PPARGC1B: variants seen among roughly 807,000 people sequenced by gnomAD.
The protein encoded by PPARGC1B is peroxisome proliferator-activated receptor gamma coactivator 1-beta.
In PPARGC1B, 34 loss-of-function variants were observed where a neutral mutation model predicts 101.6. That is an observed-to-expected ratio of 0.33 (90% confidence interval 0.25 to 0.45). The LOEUF (loss-of-function observed/expected upper bound fraction) is 0.45, where lower values mean the gene tolerates loss of function less well. Among genes scored for constraint, PPARGC1B ranks in the 20% least tolerant of loss-of-function variants. The pLI, the probability that PPARGC1B is intolerant of heterozygous loss-of-function variation, is 1.00. For missense variants in PPARGC1B, 1,234 were observed against 1,317.6 expected (o/e 0.94, Z 0.98); for synonymous variants, 548 against 539.3 (o/e 1.02, Z -0.22).
chr5:149,851,576 A>G lies in PPARGC1B; in HGVS notation c.*4018A>G, dbSNP rs968697754. On this transcript the variant is annotated 3_prime_UTR_variant, in exon 12 of 12. Transcript: ENST00000309241. Reference sequence around the variant, plus strand: ...GGAAAGAAATTGGATGTACAACAGCAAAGAAAGTGAATGTCATGGTTTCCC... The same window carrying G: ...GGAAAGAAATTGGATGTACAACAGCGAAGAAAGTGAATGTCATGGTTTCCC... The G allele has an allele frequency of 2.0e-5, 3 of 152,256 alleles. No individual in the cohort carries two copies. Among genetic ancestry groups the G allele is most frequent in the African/African-American group, 7.2e-5 (3 of 41,472 alleles). 9.4% of individuals were successfully genotyped at this position (152,256 alleles called of 1,614,324 possible).
intron 1 of PPARGC1B, among the ~76,000 whole-genome samples, chr5:149,809,171 CTA>C (rs1199034108): frequency 1.3e-4 from 9 of 69,498 alleles, no homozygotes; most frequent in African/African-American, 4.5e-4. Context: ...AGATCCATCT[CTA>C]CCATAGATAG....
rs1581116058 is a variant in PPARGC1B, at chr5:149,836,276, C to T, written c.1821C>T (p.Pro607=). 1.3e-6 allele frequency: 2 copies of T among 1,573,230 alleles called. No homozygotes were observed. Among genetic ancestry groups the T allele is most frequent in the Middle Eastern group, 1.7e-4 (1 of 5,824 alleles). Residue 607 remains proline (P), a synonymous_variant, in exon 8 of 12, where the codon CCC becomes CCT. Transcript: ENST00000309241. Reference sequence around the variant, plus strand: ...TTCCTCGGGCAGGACTCACCCCACCCACCACACCACCGTACAAGCCCACAG... The same window carrying T: ...TTCCTCGGGCAGGACTCACCCCACCTACCACACCACCGTACAAGCCCACAG... ...ELCGTAGLTP[P]TTPPYKPTEE...
At chr5:149,745,510 A>G (rs547301563) in intron 1 of PPARGC1B, among the ~76,000 whole-genome samples, 1 of 152,274 alleles carries the variant, frequency 6.6e-6, no homozygotes, top group East Asian at 1.9e-4. Context: ...GGTACTATTC[A>G]TAGAGTGTCT....
At chr5:149,793,547 G>A (rs1216650762) in intron 1 of PPARGC1B, among the ~76,000 whole-genome samples, 3 of 152,138 alleles carry the variant, frequency 2.0e-5, no homozygotes, top group African/African-American at 7.2e-5. Flanking sequence ...CTGGAATCCA[G>A]TGCAGAACCC....
chr5:149,752,235 G>C (rs1755334563), intron 1 of PPARGC1B, among the ~76,000 whole-genome samples: 1 of 152,204 alleles, frequency 6.6e-6, no homozygotes, highest in Non-Finnish European at 1.5e-5. Flanking sequence ...TACAGAACAA[G>C]ATAAATACCC....
intron 1 of PPARGC1B, among the ~76,000 whole-genome samples, chr5:149,808,134 A>G (rs1219286638): frequency 2.6e-5 from 4 of 152,140 alleles, no homozygotes; most frequent in Admixed American, 6.5e-5. Context: ...GGCACCACTG[A>G]CCTCACCTTT....
intron 9 of PPARGC1B, among the ~76,000 whole-genome samples, chr5:149,841,173 A>C (rs1226448922): frequency 6.6e-6 from 1 of 152,218 alleles, no homozygotes; most frequent in Non-Finnish European, 1.5e-5. Context: ...TCTAAAGTAA[A>C]CAGGACTGTT....
chr5:149,836,997 C>G lies in PPARGC1B; in HGVS notation c.2542C>G (p.Leu848Val). The G allele has an allele frequency of 6.2e-7, 1 of 1,614,052 alleles. No homozygotes were observed. Among genetic ancestry groups the G allele is most frequent in the South Asian group, 1.1e-5 (1 of 91,080 alleles). ...CCCACCAAGCAAGGCCAACCGGCAG[C>G]TCTGTTCCCGCAGCCGCTCAAGCTC... ...QSPPSKANRQ[L>V]CSRSRSSSGS... is the part of the protein sequence containing the mutation. Residue 848 changes from leucine to valine, a missense_variant, in exon 8 of 12, where the codon CTC becomes GTC. Physicochemically the swap from Leu to Val is conservative, Grantham distance 32. Around this residue, in one of 3 missense-constraint regions of PPARGC1B, gnomAD observed 497 missense variants for 529.5 expected, o/e 0.94. Transcript: ENST00000309241.
intron 2 of PPARGC1B, among the ~76,000 whole-genome samples, chr5:149,825,664 G>A (rs1323302407): frequency 1.3e-5 from 2 of 151,958 alleles, no homozygotes. Context: ...TGTTAGTTTC[G>A]TCCCATCCTC....
chr5:149,818,353 T>C (rs961041432), intron 1 of PPARGC1B, among the ~76,000 whole-genome samples: 1 of 152,196 alleles, frequency 6.6e-6, no homozygotes, highest in African/African-American at 2.4e-5. Context: ...ATGAGGATTG[T>C]GGAATACATG....
chr5:149,842,514 G>C, intron 10 of PPARGC1B, 137 bp downstream of exon 10: 3 of 1,248,306 alleles, frequency 2.4e-6, no homozygotes, highest in Non-Finnish European at 3.4e-6. Context: ...GGAAAGCCAG[G>C]CCCATGAGAA....
intron 3 of PPARGC1B, among the ~76,000 whole-genome samples, chr5:149,830,404 T>C (rs1581106076): frequency 1.3e-5 from 2 of 151,462 alleles, no homozygotes; most frequent in East Asian, 1.9e-4. Context: ...TGTGTGTATG[T>C]GTGTGTGTGT....
Position 149,848,969 on chromosome 5 carries a change from A to G in PPARGC1B, c.*1411A>G, listed in dbSNP as rs1286036333. On this transcript the variant is annotated 3_prime_UTR_variant, in exon 12 of 12. Coordinates refer to ENST00000309241, the MANE Select transcript of PPARGC1B (RefSeq NM_133263.4). ...AAACTTTGTGTTCTTAAGTGATGTC[A>G]AAGCCATTTCCAGCTTAATGTTCTG... is the stretch of plus-strand genomic sequence containing the variant. 2.0e-5 allele frequency: 3 copies of G among 152,232 alleles called. No individual in the cohort carries two copies. Among genetic ancestry groups the G allele is most frequent in the Non-Finnish European group, 2.9e-5 (2 of 68,056 alleles). The allele number at this position is 152,232 out of a possible 1,614,324, so 9.4% of individuals were successfully genotyped here.
At chr5:149,811,532 A>T (rs1226600738) in intron 1 of PPARGC1B, among the ~76,000 whole-genome samples, 1 of 152,188 alleles carries the variant, frequency 6.6e-6, no homozygotes, top group African/African-American at 2.4e-5. Context: ...GAATCTTAGT[A>T]AATAAACAAC....
chr5:149,768,512 C>T lies in PPARGC1B; in HGVS notation c.78+38092C>T, dbSNP rs1031992492. ...ACACTGGAGTGCAGTGGTGCCATCT[C>T]GGCTCACTGCAACCTCCGCCTCTCA... On this transcript the variant is annotated intron_variant, in intron 1 of 11. Coordinates refer to ENST00000309241, the MANE Select transcript of PPARGC1B (RefSeq NM_133263.4). 1.0e-4 allele frequency among the ~76,000 whole-genome samples: 15 copies of T among 144,500 alleles called. No homozygotes were observed. The South Asian group carries it at 3.1e-3, about 30-fold the overall frequency. The allele number at this position is 144,500 out of a possible 152,430, so 94.8% of individuals were successfully genotyped here. A position where few individuals can be genotyped will look rare whatever the true frequency, so the allele number is the denominator to read the frequency against.
In PPARGC1B at chr5:149,799,693, G is replaced by GTTGTTT. The variant is rs752427488; in HGVS notation, c.79-20738_79-20737insGTTTTT. 9.1e-3 allele frequency among the ~76,000 whole-genome samples: 695 copies of GTTGTTT among 76,510 alleles called. 27 individuals are homozygous for GTTGTTT. The highest frequency in any genetic ancestry group is 0.038 in the African/African-American group (662 of 17,598). The allele number at this position is 76,510 out of a possible 152,430, so 50.2% of individuals were successfully genotyped here. On this transcript the variant is annotated intron_variant, in intron 1 of 11. Transcript: ENST00000309241. ...TTTGTTTGTTTGTTTGCTTGTTGTT[G>GTTGTTT]TTTTTTTTTTTTTTTTTTTTTGAGA...
chr5:149,779,943 CCT>C (rs1268610611), intron 1 of PPARGC1B, among the ~76,000 whole-genome samples: 5 of 152,180 alleles, frequency 3.3e-5, no homozygotes, highest in Non-Finnish European at 7.3e-5. Context: ...CAAGATCTCT[CCT>C]GTTTGCTGGT....
At chr5:149,745,139 G>A (rs551710648) in intron 1 of PPARGC1B, among the ~76,000 whole-genome samples, 4 of 152,048 alleles carry the variant, frequency 2.6e-5, no homozygotes, top group Non-Finnish European at 4.4e-5. Flanking sequence ...AGGCTCAAGC[G>A]ATCCTATTGC....
rs765250175 is a variant in PPARGC1B, at chr5:149,837,041, C to T, written c.2586C>T (p.His862=). Residue 862 remains histidine (H), a synonymous_variant, in exon 8 of 12, where the codon CAC becomes CAT. Coordinates refer to ENST00000309241, the MANE Select transcript of PPARGC1B (RefSeq NM_133263.4). This position sits in a 1 kb window ranked among gnomAD's most constrained non-coding sequence, Gnocchi z 4.2. ...SRSSSGSSPC[H]SWSPATRRNF... Reference sequence around the variant, plus strand: ...CAAGCTCTGGCTCTTCACCCTGCCACTCCTGGTCACCAGCCACTCGAAGGA... The same window carrying T: ...CAAGCTCTGGCTCTTCACCCTGCCATTCCTGGTCACCAGCCACTCGAAGGA... 3 of 1,613,508 alleles carry T rather than the reference C, an allele frequency of 1.9e-6. No individual in the cohort carries two copies. Among genetic ancestry groups the T allele is most frequent in the South Asian group, 2.2e-5 (2 of 91,052 alleles).
Sources: allele counts gnomAD v4.1 joint callset (sites outside exome capture counted in the v4.1 genomes callset), GRCh38; gene constraint gnomAD v4.1.1; regional missense constraint gnomAD v4.1.1; non-coding constraint Gnocchi (gnomAD v3.1); transcripts MANE v1.5; gene names NCBI Gene and HGNC (gene_info 2026-07-23, HGNC 2026-07-21).